Variants in DLG2 observed in about 807,000 individuals in gnomAD.
DLG2 encodes discs large MAGUK scaffold protein 2, also known as disks large homolog 2.
A neutral mutation model predicts 132.5 loss-of-function variants in DLG2; 45 were observed. The observed-to-expected ratio is 0.34, with a 90% confidence interval of 0.27 to 0.44. The LOEUF (loss-of-function observed/expected upper bound fraction) is 0.44, where lower values mean the gene tolerates loss of function less well. DLG2 is among the 20% of genes least tolerant of loss of function. The pLI is 1.00. For missense variants in DLG2, 1,045 were observed against 1,196.9 expected (o/e 0.87, Z 1.87); for synonymous variants, 424 against 419.6 (o/e 1.01, Z -0.13).
intron 6 of DLG2, among the ~76,000 whole-genome samples, chr11:84,581,178 A>C (rs1307665417): frequency 6.6e-6 from 1 of 152,188 alleles, no homozygotes; most frequent in Non-Finnish European, 1.5e-5. Context: ...AATTATGAGA[A>C]GTTCAGTAGT....
intron 16 of DLG2, among the ~76,000 whole-genome samples, chr11:83,855,342 A>G (rs2060364457): frequency 6.6e-6 from 1 of 152,162 alleles, no homozygotes; most frequent in South Asian, 2.1e-4. Context: ...CTGAAAACAC[A>G]TGTCCACAAA....
At chr11:83,939,565 T>C (rs904862730) in intron 14 of DLG2, among the ~76,000 whole-genome samples, 3 of 152,180 alleles carry the variant, frequency 2.0e-5, no homozygotes, top group African/African-American at 7.2e-5. Flanking sequence ...TTTATCATGG[T>C]GTCAAAAATA....
At chr11:83,472,205 A>G (rs1386623662) in intron 23 of DLG2, among the ~76,000 whole-genome samples, 1 of 152,150 alleles carries the variant, frequency 6.6e-6, no homozygotes, top group Non-Finnish European at 1.5e-5. Context: ...ATTTCCTTGT[A>G]TCTGGGATTA....
intron 8 of DLG2, among the ~76,000 whole-genome samples, chr11:84,222,433 G>T (rs1041616618): frequency 2.0e-5 from 3 of 152,068 alleles, no homozygotes; most frequent in Non-Finnish European, 4.4e-5. Context: ...CTACAATTCA[G>T]AATTCAAATA....
chr11:84,575,537 A>AT (rs1477022247), intron 6 of DLG2, among the ~76,000 whole-genome samples: 2 of 152,138 alleles, frequency 1.3e-5, no homozygotes, highest in Non-Finnish European at 2.9e-5. Context: ...TGTTAAATGT[A>AT]TCTTTTAAGA....
At chr11:84,672,990 G>A (rs1428778802) in intron 6 of DLG2, among the ~76,000 whole-genome samples, 1 of 152,066 alleles carries the variant, frequency 6.6e-6, no homozygotes, top group East Asian at 1.9e-4. Context: ...TGGGGGGTAG[G>A]TGCCATACAC....
At chr11:84,071,957 T>C (rs2096763784) in intron 10 of DLG2, among the ~76,000 whole-genome samples, 12 of 152,218 alleles carry the variant, frequency 7.9e-5, no homozygotes, top group Admixed American at 7.9e-4. Context: ...GTCAGGGTGC[T>C]ATATATGACT....
At chr11:84,313,679 A>AAGAAAGAAAGAAAG (rs1599697402) in intron 7 of DLG2, among the ~76,000 whole-genome samples, 1 of 151,398 alleles carries the variant, frequency 6.6e-6, no homozygotes, top group East Asian at 1.9e-4. Flanking sequence ...GAAAGAAAGA[A>AAGAAAGAAAGAAAG]AGAAAGAAAA....
At chr11:85,385,894 A>G (rs1484872759) in intron 3 of DLG2, among the ~76,000 whole-genome samples, 1 of 152,134 alleles carries the variant, frequency 6.6e-6, no homozygotes, top group Non-Finnish European at 1.5e-5. Flanking sequence ...GCACCTCTAA[A>G]ATAAAAGTTT....
intron 10 of DLG2, among the ~76,000 whole-genome samples, chr11:84,071,860 T>C (rs1484319640): frequency 6.6e-6 from 1 of 152,220 alleles, no homozygotes; most frequent in Non-Finnish European, 1.5e-5. Context: ...GGAGAATTTC[T>C]GTGATTTCTG....
In DLG2 at chr11:83,965,307, A is replaced by T; in HGVS notation, c.1201+17T>A. On this transcript the variant is annotated intron_variant, in intron 13 of 27. Coordinates refer to ENST00000376104, the MANE Select transcript of DLG2 (RefSeq NM_001142699.3). The stretch of plus-strand genomic sequence containing the variant: ...TGCAAGTCTGGCATGCTATTTGAAG[A>T]TGACAATGGTACTTACAGTGAGTAA... The T allele has an allele frequency of 1.3e-6, 2 of 1,590,448 alleles. No individual in the cohort carries two copies. The highest frequency in any genetic ancestry group is 1.7e-6 in the Non-Finnish European group (2 of 1,170,768).
Position 83,752,428 on chromosome 11 carries a change from C to T in DLG2, c.1825+34262G>A, listed in dbSNP as rs374768101. Among the ~76,000 whole-genome samples the T allele has an allele frequency of 1.2e-4, 19 of 152,116 alleles. No individual in the cohort carries two copies. In the East Asian group the frequency reaches 2.3e-3, roughly 19 times the overall value. On this transcript the variant is annotated intron_variant, in intron 18 of 27. Transcript: ENST00000376104. ...CCAAGTATGAATCATATAAGCCAAG[C>T]GAATCAAGTACTTCTAGGAGAAAGG...
At chr11:85,486,789 G>C (rs2093438840) in intron 3 of DLG2, among the ~76,000 whole-genome samples, 1 of 151,746 alleles carries the variant, frequency 6.6e-6, no homozygotes. Flanking sequence ...CCACAAGCCT[G>C]GCCCCCCCTG....
intron 9 of DLG2, among the ~76,000 whole-genome samples, chr11:84,124,122 T>C (rs769595360): frequency 1.3e-5 from 2 of 152,230 alleles, no homozygotes; most frequent in Admixed American, 6.5e-5. Flanking sequence ...ATAGATGGTA[T>C]TGTTGGGGCC....
chr11:83,840,216 A>G (rs2057240837), intron 16 of DLG2, among the ~76,000 whole-genome samples: 1 of 152,224 alleles, frequency 6.6e-6, no homozygotes, highest in Admixed American at 6.5e-5. Flanking sequence ...CATCTATTGC[A>G]GCATGTTTTA....
At chr11:83,648,832 G>A (rs908231823) in intron 18 of DLG2, among the ~76,000 whole-genome samples, 8 of 152,108 alleles carry the variant, frequency 5.3e-5, no homozygotes, top group Non-Finnish European at 1.0e-4. Context: ...TTGGGAAAAG[G>A]CAGGGTGGAA....
chr11:85,476,187 T>A (rs1011974394), intron 3 of DLG2, among the ~76,000 whole-genome samples: 1 of 152,140 alleles, frequency 6.6e-6, no homozygotes, highest in Non-Finnish European at 1.5e-5. Context: ...TAAGCAACTG[T>A]AACACAATGG....
At position 85,503,938 on chromosome 11, in the gene DLG2, G is replaced by C. The variant is rs114433586; in HGVS notation, c.40+94719C>G. Among the ~76,000 whole-genome samples, 952 of 151,408 alleles carry C rather than the reference G, an allele frequency of 6.3e-3. 13 individuals are homozygous for C. The highest frequency in any genetic ancestry group is 0.022 in the African/African-American group (907 of 41,204). ...CACAGTGAGACCCTGTCTCAAGAAGGAGGAGGAGGAGGAGGAGGGACAGTG... is the reference window on the plus strand; with the variant it reads ...CACAGTGAGACCCTGTCTCAAGAAGCAGGAGGAGGAGGAGGAGGGACAGTG... On this transcript the variant is annotated intron_variant, in intron 3 of 27. Transcript: ENST00000376104.
chr11:85,231,482 A>C lies in DLG2; in HGVS notation c.186+53738T>G, dbSNP rs919381804. ...CTAAGCCCATCTTTTCCTTTACATTATTAAACATATTTATAATAGCATTTT... is the reference window on the plus strand; with the variant it reads ...CTAAGCCCATCTTTTCCTTTACATTCTTAAACATATTTATAATAGCATTTT... On this transcript the variant is annotated intron_variant, in intron 4 of 27. Transcript: ENST00000376104. 2.0e-5 allele frequency among the ~76,000 whole-genome samples: 3 copies of C among 151,946 alleles called. No homozygotes were observed. In the East Asian group the frequency reaches 5.8e-4, roughly 29 times the overall value.
Sources: gnomAD v4.1 joint callset for allele counts (sites outside exome capture counted in the v4.1 genomes callset) on GRCh38, gnomAD v4.1.1 for gene constraint, MANE v1.5 for transcripts, NCBI Gene and HGNC (gene_info 2026-07-23, HGNC 2026-07-21) for gene names.